SLC7A8: variants seen among roughly 807,000 people sequenced by gnomAD.
The protein encoded by SLC7A8 is solute carrier family 7 member 8.
A neutral mutation model predicts 51.2 loss-of-function variants in SLC7A8; 30 were observed. The observed-to-expected ratio is 0.59, with a 90% CI of 0.44 to 0.80. SLC7A8 has a LOEUF of 0.80. Among genes scored for constraint, SLC7A8 ranks in the 30% least tolerant of loss-of-function variants. The pLI is 0.00. For missense variants in SLC7A8, 612 were observed against 674.4 expected (o/e 0.91, Z 1.03); for synonymous variants, 257 against 275.8 (o/e 0.93, Z 0.67).
intron 4 of SLC7A8, among the ~76,000 whole-genome samples, chr14:23,141,513 G>A (rs1291329702): frequency 3.9e-5 from 6 of 152,100 alleles, no homozygotes; most frequent in Admixed American, 1.3e-4. Flanking sequence ...GCAGTGGCGC[G>A]ATCTCAGCTC....
At chr14:23,147,591 G>A (rs1211527997) in intron 3 of SLC7A8, among the ~76,000 whole-genome samples, 4 of 152,182 alleles carry the variant, frequency 2.6e-5, no homozygotes, top group East Asian at 3.8e-4. Flanking sequence ...ACCTAGTTGC[G>A]GGAGTGGTTA....
intron 1 of SLC7A8, among the ~76,000 whole-genome samples, chr14:23,180,294 T>C (rs1263840521): frequency 1.3e-5 from 2 of 150,870 alleles, no homozygotes; most frequent in Non-Finnish European, 2.9e-5. Flanking sequence ...GCCATTTCTA[T>C]TTTTGCATTT....
chr14:23,131,598 GACC>G (rs776564268), intron 7 of SLC7A8, 41 bp from the exon 8 acceptor site: 1 of 1,489,084 alleles, frequency 6.7e-7, no homozygotes, highest in African/African-American at 1.4e-5. Flanking sequence ...ATAACCCAGG[GACC>G]ACCAAGCCCC....
At position 23,165,308 on chromosome 14, in the gene SLC7A8, C is replaced by CGAA; in HGVS notation, c.482_484dup (p.Leu161dup). The CGAA allele has an allele frequency of 6.2e-7, 1 of 1,609,132 alleles. No individual in the cohort carries two copies. Among genetic ancestry groups the CGAA allele is most frequent in the Non-Finnish European group, 8.5e-7 (1 of 1,177,778 alleles). On this transcript the variant is annotated inframe_insertion, in exon 3 of 11. Transcript: ENST00000316902. The surrounding 1 kb of genome is among the most constrained non-coding windows in gnomAD (Gnocchi z 4.2). ...ACATAAGCAGATGGCAGCCAGGAGC[C>CGAA]GAAGGCCAGACTCTGGGGGGAAGCA...
intron 8 of SLC7A8, chr14:23,130,059 A>G: frequency 2.3e-6 from 1 of 436,040 alleles, no homozygotes; most frequent in South Asian, 2.9e-5. Context: ...TAGAATGGAT[A>G]CTGGACATAA....
chr14:23,132,855 C>T (rs949073388), intron 7 of SLC7A8, among the ~76,000 whole-genome samples: 1 of 151,934 alleles, frequency 6.6e-6, no homozygotes, highest in Non-Finnish European at 1.5e-5. Context: ...AGGCTGGTCT[C>T]GAACTCCCGA....
chr14:23,129,435 C>A, intron 9 of SLC7A8: 1 of 543,754 alleles, frequency 1.8e-6, no homozygotes, highest in Non-Finnish European at 3.2e-6. Flanking sequence ...TTTGATCTGA[C>A]TTATTCCCCA....
chr14:23,129,799 A>C lies in SLC7A8; in HGVS notation c.1114T>G (p.Cys372Gly), dbSNP rs752410256. Residue 372 changes from cysteine to glycine, a missense_variant and splice_region_variant, in exon 9 of 11, where the codon TGC (cysteine) becomes GGC (glycine). By Grantham distance (159) the Cys-to-Gly change is radical (BLOSUM62 -3). Transcript: ENST00000316902. ...ACCAGCATCAGCAGGGTGGAGATGC[A>C]CTGGGAAAGTGGGAGGAGCTCATCA... is the stretch of plus-strand genomic sequence containing the variant. ...CTPIPALLFT[C>G]ISTLLMLVTS... 1.4e-5 allele frequency: 23 copies of C among 1,614,020 alleles called. 1 individual carries two copies. In the South Asian group the frequency reaches 2.4e-4, roughly 17 times the overall value.
intron 3 of SLC7A8, among the ~76,000 whole-genome samples, chr14:23,153,751 G>C (rs1270858516): frequency 6.6e-6 from 1 of 152,034 alleles, no homozygotes; most frequent in Non-Finnish European, 1.5e-5. Flanking sequence ...AACTCCATTT[G>C]GATTTCTCGG....
rs536226983 is a variant in SLC7A8, at chr14:23,132,916, A to G, written c.1017-1359T>C. On this transcript the variant is annotated intron_variant, in intron 7 of 10. Coordinates refer to ENST00000316902, the MANE Select transcript of SLC7A8 (RefSeq NM_012244.4). ...CTCCCAAAGTACTGGGATTACAGGC[A>G]TGAGCCACTATGCCCAGCCTATGAT... is the stretch of plus-strand genomic sequence containing the variant. Among the ~76,000 whole-genome samples, 133 of 152,078 alleles carry G rather than the reference A, an allele frequency of 8.7e-4. 2 individuals carry two copies. The South Asian group carries it at 0.026, about 30-fold the overall frequency.
intron 1 of SLC7A8, among the ~76,000 whole-genome samples, chr14:23,181,747 T>C (rs1002043262): frequency 2.6e-5 from 4 of 152,192 alleles, no homozygotes; most frequent in Admixed American, 6.5e-5. Context: ...CTCCTTTTTC[T>C]GGGAAGAAAG....
chr14:23,166,363 A>G lies in SLC7A8; in HGVS notation c.329T>C (p.Val110Ala), dbSNP rs769137595. 1 of 1,614,000 alleles carries G rather than the reference A, an allele frequency of 6.2e-7. No individual in the cohort carries two copies. The highest frequency in any genetic ancestry group is 8.5e-7 in the Non-Finnish European group (1 of 1,180,026). Residue 110 changes from valine to alanine, a missense_variant, in exon 2 of 11, where the codon GTC becomes GCC. Physicochemically the swap from Val to Ala is moderately conservative, Grantham distance 64. Coordinates refer to ENST00000316902, the MANE Select transcript of SLC7A8 (RefSeq NM_012244.4). ...IPKSGGDYSY[V>A]KDIFGGLAGF... Reference sequence around the variant, plus strand: ...AGCCAGTCCTCCGAAGATGTCCTTGACATAGGAGTAGTCACCTCCAGATTT... The same window carrying G: ...AGCCAGTCCTCCGAAGATGTCCTTGGCATAGGAGTAGTCACCTCCAGATTT...
intron 8 of SLC7A8, among the ~76,000 whole-genome samples, chr14:23,130,804 T>C (rs1292905066): frequency 6.6e-6 from 1 of 152,224 alleles, no homozygotes; most frequent in Admixed American, 6.5e-5. Context: ...TTTAGTGTTT[T>C]ATTCAGGATC....
intron 6 of SLC7A8, 49 bp from the exon 7 acceptor site, chr14:23,138,073 G>A (rs112267928): frequency 2.9e-5 from 46 of 1,599,706 alleles, no homozygotes; most frequent in African/African-American, 1.7e-4. Context: ...ACCACTCCCC[G>A]ACCCCTCAGC....
At position 23,165,550 on chromosome 14, in the gene SLC7A8, C is replaced by G; in HGVS notation, c.357-114G>C. On this transcript the variant is annotated intron_variant, in intron 2 of 10. Transcript: ENST00000316902. This position sits in a 1 kb window ranked among gnomAD's most constrained non-coding sequence, Gnocchi z 4.2. ...TTATTTTCAAGGATGCTGAAGAGCC[C>G]AGCCTCTGCCCCCACCCACAAATGA... The G allele has an allele frequency of 9.1e-7, 1 of 1,100,692 alleles. No homozygotes were observed. Among genetic ancestry groups the G allele is most frequent in the Non-Finnish European group, 1.3e-6 (1 of 795,156 alleles). The allele number at this position is 1,100,692 out of a possible 1,614,324, so 68.2% of individuals were successfully genotyped here. A position where few individuals can be genotyped will look rare whatever the true frequency, so the allele number is the denominator to read the frequency against.
chr14:23,173,584 A>G lies in SLC7A8; in HGVS notation c.152-7044T>C, dbSNP rs547752241. 9.8e-5 allele frequency among the ~76,000 whole-genome samples: 15 copies of G among 152,344 alleles called. No individual in the cohort carries two copies. The South Asian group carries it at 2.9e-3, about 29-fold the overall frequency. Reference sequence around the variant, plus strand: ...TACTGATGCACTCTGGTATCTTCCAATAAATATTCATTTCTTTCTCTCCTC... The same window carrying G: ...TACTGATGCACTCTGGTATCTTCCAGTAAATATTCATTTCTTTCTCTCCTC... On this transcript the variant is annotated intron_variant, in intron 1 of 10. Transcript: ENST00000316902.
chr14:23,164,150 T>C (rs2140333888), intron 3 of SLC7A8, among the ~76,000 whole-genome samples: 1 of 152,318 alleles, frequency 6.6e-6, no homozygotes, highest in South Asian at 2.1e-4. Context: ...CTTCTCTGAA[T>C]TTTTACTGCA....
chr14:23,173,610 G>C (rs1032713679), intron 1 of SLC7A8, among the ~76,000 whole-genome samples: 1 of 151,990 alleles, frequency 6.6e-6, no homozygotes, highest in Non-Finnish European at 1.5e-5. Flanking sequence ...TTCTCTCCTC[G>C]AGTTAAAGGA....
Position 23,129,818 on chromosome 14 carries a change from C to T in SLC7A8, c.1114-19G>A, listed in dbSNP as rs778271462. On this transcript the variant is annotated intron_variant, in intron 8 of 10. Coordinates refer to ENST00000316902, the MANE Select transcript of SLC7A8 (RefSeq NM_012244.4). Reference sequence around the variant, plus strand: ...AGATGCACTGGGAAAGTGGGAGGAGCTCATCAGTGATCCGAAAGATATTCA... The same window carrying T: ...AGATGCACTGGGAAAGTGGGAGGAGTTCATCAGTGATCCGAAAGATATTCA... 1.2e-6 allele frequency: 2 copies of T among 1,613,354 alleles called. No homozygotes were observed.
Sources: gnomAD v4.1 joint callset for allele counts (sites outside exome capture counted in the v4.1 genomes callset) on GRCh38, gnomAD v4.1.1 for gene constraint, Gnocchi (gnomAD v3.1) non-coding constraint, MANE v1.5 for transcripts, NCBI Gene and HGNC (gene_info 2026-07-23, HGNC 2026-07-21) for gene names.